Variants in NELL1 observed in about 807,000 individuals in gnomAD.
NELL1 encodes the protein protein kinase C-binding protein NELL1.
Under a neutral mutation model 107.4 loss-of-function variants are expected in NELL1, and 76 were observed. The ratio of observed to expected loss-of-function variants is 0.71; its 90% CI spans 0.59 to 0.86. The LOEUF (loss-of-function observed/expected upper bound fraction) is 0.86, where lower values mean the gene tolerates loss of function less well. Among genes scored for constraint, NELL1 ranks in the 40% least tolerant of loss-of-function variants. The pLI is 0.00. For synonymous variants in NELL1, 353 were observed against 341.2 expected (o/e 1.03, Z -0.38); for missense variants, 1,024 against 1,005.5 (o/e 1.02, Z -0.25).
chr11:21,234,634 C>G (rs1424056111), intron 14 of NELL1, among the ~76,000 whole-genome samples: 1 of 152,182 alleles, frequency 6.6e-6, no homozygotes, highest in East Asian at 1.9e-4. Flanking sequence ...CTCCAGAATC[C>G]TGTAGTGCTC....
At chr11:21,352,691 A>G (rs1850845079) in intron 14 of NELL1, among the ~76,000 whole-genome samples, 1 of 152,126 alleles carries the variant, frequency 6.6e-6, no homozygotes, top group African/African-American at 2.4e-5. Flanking sequence ...CTGTTCAGTG[A>G]TGTTCTTATC....
chr11:20,696,669 TACTC>T (rs1854625788), intron 2 of NELL1, among the ~76,000 whole-genome samples: 1 of 152,192 alleles, frequency 6.6e-6, no homozygotes, highest in Non-Finnish European at 1.5e-5. Flanking sequence ...ATAAAAATAC[TACTC>T]AATTTTTTTG....
chr11:21,470,041 T>C (rs1051675490), intron 15 of NELL1, among the ~76,000 whole-genome samples: 1 of 152,090 alleles, frequency 6.6e-6, no homozygotes, highest in African/African-American at 2.4e-5. Context: ...CAAGCTTCAA[T>C]AGTAATTAAC....
rs545455509 is a variant in NELL1 at position 20,799,936 on chromosome 11, C to CT, written c.335+16108dup. Among the ~76,000 whole-genome samples the CT allele has an allele frequency of 9.8e-4, 149 of 152,264 alleles. 3 individuals are homozygous for CT. In the Middle Eastern group the frequency reaches 0.014, roughly 14 times the overall value. ...ATGTGTATTCAATGTTTTGTTCCCA[C>CT]TTATAAGTAAGAACATGCAATATTT... On this transcript the variant is annotated intron_variant, in intron 3 of 19. Coordinates refer to ENST00000357134, the MANE Select transcript of NELL1 (RefSeq NM_006157.5).
intron 12 of NELL1, among the ~76,000 whole-genome samples, chr11:20,987,623 T>C (rs1851879661): frequency 6.6e-6 from 1 of 152,122 alleles, no homozygotes. Flanking sequence ...AGGTAACCAC[T>C]CCGATGATTC....
At chr11:20,882,418 CTGTTAA>C (rs1400743307) in intron 4 of NELL1, among the ~76,000 whole-genome samples, 3 of 152,150 alleles carry the variant, frequency 2.0e-5, no homozygotes, top group Admixed American at 1.3e-4. Flanking sequence ...ATTTTTTAAA[CTGTTAA>C]TGTTAATATA....
intron 14 of NELL1, among the ~76,000 whole-genome samples, chr11:21,329,136 C>T (rs181582269): frequency 6.6e-6 from 1 of 152,228 alleles, no homozygotes; most frequent in East Asian, 1.9e-4. Flanking sequence ...CATCTGTATC[C>T]TTACCCAAAT....
At chr11:21,168,044 A>T (rs1392728688) in intron 13 of NELL1, among the ~76,000 whole-genome samples, 1 of 151,758 alleles carries the variant, frequency 6.6e-6, no homozygotes, top group Non-Finnish European at 1.5e-5. Flanking sequence ...AAGCTTTATG[A>T]ATGGTGGGGG....
chr11:20,885,390 T>G, intron 4 of NELL1, 54 bp from the exon 5 acceptor site: 5 of 1,155,612 alleles, frequency 4.3e-6, no homozygotes, highest in Non-Finnish European at 6.6e-6. Context: ...CATATGCACC[T>G]TTTGGTTCTG....
At chr11:21,528,511 A>G (rs78480771) in intron 15 of NELL1, among the ~76,000 whole-genome samples, 1 of 46,338 alleles carries the variant, frequency 2.2e-5, no homozygotes, top group Non-Finnish European at 4.5e-5. Flanking sequence ...GCACATACCC[A>G]CCCCCCCCCC....
At chr11:21,142,955 C>G (rs1261240944) in intron 13 of NELL1, among the ~76,000 whole-genome samples, 2 of 152,196 alleles carry the variant, frequency 1.3e-5, no homozygotes, top group African/African-American at 4.8e-5. Context: ...CTGAGTGTAG[C>G]TCCTCCTTCT....
chr11:21,477,724 C>T (rs1024981166), intron 15 of NELL1, among the ~76,000 whole-genome samples: 11 of 151,920 alleles, frequency 7.2e-5, no homozygotes, highest in African/African-American at 2.7e-4. Context: ...AGGAACAAAT[C>T]CTAAGATACG....
chr11:21,211,016 T>C (rs1857486582), intron 13 of NELL1, among the ~76,000 whole-genome samples: 1 of 152,194 alleles, frequency 6.6e-6, no homozygotes, highest in Admixed American at 6.5e-5. Flanking sequence ...ACTTACTAAA[T>C]TTTAGAAGCC....
chr11:21,298,350 G>T (rs1343475524), intron 14 of NELL1, among the ~76,000 whole-genome samples: 1 of 151,830 alleles, frequency 6.6e-6, no homozygotes, highest in Non-Finnish European at 1.5e-5. Context: ...TTATCAATTT[G>T]TTATTTTCAG....
intron 13 of NELL1, among the ~76,000 whole-genome samples, chr11:21,187,117 T>C (rs1404703292): frequency 3.3e-5 from 5 of 151,912 alleles, no homozygotes; most frequent in Admixed American, 6.5e-5. Flanking sequence ...AAAAGTCTTT[T>C]TTTTGTCCAT....
chr11:20,946,185 A>T (rs1397823637), intron 10 of NELL1, among the ~76,000 whole-genome samples: 1 of 152,170 alleles, frequency 6.6e-6, no homozygotes, highest in Non-Finnish European at 1.5e-5. Context: ...GGTCTCATGA[A>T]GACGGAAAAC....
chr11:20,881,183 T>C (rs1386308484), intron 4 of NELL1, among the ~76,000 whole-genome samples: 1 of 152,232 alleles, frequency 6.6e-6, no homozygotes, highest in Admixed American at 6.5e-5. Context: ...AGTTAGGTTT[T>C]CACGTTGCTC....
At chr11:21,039,650 A>G (rs7937542) in intron 12 of NELL1, among the ~76,000 whole-genome samples, 69,737 of 152,094 alleles carry the variant, frequency 0.46, 17,313 homozygotes, top group Middle Eastern at 0.56. Context: ...CTTCAATATT[A>G]TTATTGCCAA....
At chr11:20,990,914 C>A (rs1026506990) in intron 12 of NELL1, among the ~76,000 whole-genome samples, 1 of 152,164 alleles carries the variant, frequency 6.6e-6, no homozygotes, top group Non-Finnish European at 1.5e-5. Flanking sequence ...GCTCTTGACC[C>A]CAGGTGCTTC....
Sources: allele counts gnomAD v4.1 joint callset (sites outside exome capture counted in the v4.1 genomes callset), GRCh38; gene constraint gnomAD v4.1.1; transcripts MANE v1.5; gene names NCBI Gene and HGNC (gene_info 2026-07-23, HGNC 2026-07-21).